Variants in GALNT17 observed in about 807,000 individuals in gnomAD.
The protein encoded by GALNT17 is polypeptide N-acetylgalactosaminyltransferase 17, also known as UDP-GalNAc:polypeptide N-acetylgalactosaminyltransferase-like 3.
GALNT17 carries 29 observed loss-of-function variants against 63.7 expected under a neutral mutation model. The ratio of observed to expected loss-of-function variants is 0.46; its 90% CI spans 0.34 to 0.62. The LOEUF (loss-of-function observed/expected upper bound fraction) is 0.62. Ranked by LOEUF, GALNT17 falls within the 20% of genes least tolerant of loss-of-function variation. The pLI is 0.01. For missense variants in GALNT17, 603 were observed against 799.6 expected (o/e 0.75, Z 2.97); for synonymous variants, 305 against 318.3 (o/e 0.96, Z 0.45).
rs189562751 is a variant in GALNT17 at position 71,505,161 on chromosome 7, C to T, written c.963-66124C>T. Among the ~76,000 whole-genome samples, 134 of 152,320 alleles carry T rather than the reference C, an allele frequency of 8.8e-4. 6 individuals are homozygous for T. The South Asian group carries it at 0.015, about 17-fold the overall frequency. ...TTTATCCCCAATTTGAACAGTTTCGCTTCTCTTCCACCTCGTGGCCTTCCT... is the reference window on the plus strand; with the variant it reads ...TTTATCCCCAATTTGAACAGTTTCGTTTCTCTTCCACCTCGTGGCCTTCCT... On this transcript the variant is annotated intron_variant, in intron 5 of 10. Coordinates refer to ENST00000333538, the MANE Select transcript of GALNT17 (RefSeq NM_022479.3).
intron 2 of GALNT17, among the ~76,000 whole-genome samples, chr7:71,360,749 G>A (rs370585692): frequency 5.9e-5 from 9 of 152,046 alleles, no homozygotes; most frequent in Admixed American, 3.3e-4. Context: ...CCTGGCCAAC[G>A]TGGCAAAACC....
intron 6 of GALNT17, among the ~76,000 whole-genome samples, chr7:71,588,784 C>T (rs1216326647): frequency 6.6e-6 from 1 of 152,060 alleles, no homozygotes; most frequent in Non-Finnish European, 1.5e-5. Flanking sequence ...ATCACTGTGG[C>T]TGGTCTCATG....
At chr7:71,443,346 T>G (rs886120483) in intron 5 of GALNT17, among the ~76,000 whole-genome samples, 24 of 152,120 alleles carry the variant, frequency 1.6e-4, no homozygotes, top group African/African-American at 5.8e-4. Flanking sequence ...TCTGTAGAGT[T>G]AGGATATTTG....
chr7:71,237,524 A>G (rs1395342275), intron 1 of GALNT17, among the ~76,000 whole-genome samples: 4 of 150,550 alleles, frequency 2.7e-5, no homozygotes, highest in Admixed American at 6.6e-5. Context: ...AAAAAAAAAA[A>G]AAAAAAAAGA....
chr7:71,151,727 G>A (rs1310169011), intron 1 of GALNT17, among the ~76,000 whole-genome samples: 3 of 151,878 alleles, frequency 2.0e-5, no homozygotes, highest in African/African-American at 7.3e-5. Flanking sequence ...CCTACTTAAC[G>A]CTGCTTCTTG....
chr7:71,675,713 G>T (rs549760549), intron 8 of GALNT17, among the ~76,000 whole-genome samples: 46 of 152,114 alleles, frequency 3.0e-4, no homozygotes, highest in Non-Finnish European at 4.6e-4. Context: ...CCAGCCAGGC[G>T]CAGTGGTTCA....
At chr7:71,198,354 T>G (rs1041481625) in intron 1 of GALNT17, among the ~76,000 whole-genome samples, 2 of 152,162 alleles carry the variant, frequency 1.3e-5, no homozygotes, top group Non-Finnish European at 2.9e-5. Context: ...GTAGTGAGTA[T>G]TTGGGCATTG....
At chr7:71,467,637 C>T (rs1290741893) in intron 5 of GALNT17, among the ~76,000 whole-genome samples, 2 of 152,048 alleles carry the variant, frequency 1.3e-5, no homozygotes, top group Non-Finnish European at 2.9e-5. Flanking sequence ...GCTTATCTGA[C>T]CCCTTCCTCA....
At position 71,319,096 on chromosome 7, in the gene GALNT17, A is replaced by ATCTTTCTTTCTT. The variant is rs11272198; in HGVS notation, c.239-16436_239-16425dup. ...TCAGCTTGCTGAGCTATTTTTGTTT[A>ATCTTTCTTTCTT]TCTTTCTTTCTTTCTTTCTTTCTTT... is the stretch of plus-strand genomic sequence containing the variant. On this transcript the variant is annotated intron_variant, in intron 1 of 10. Transcript: ENST00000333538. Among the ~76,000 whole-genome samples the ATCTTTCTTTCTT allele has an allele frequency of 2.4e-3, 311 of 131,984 alleles. 5 individuals carry two copies. The highest frequency in any genetic ancestry group is 7.4e-3 in the Middle Eastern group (2 of 270). 86.6% of individuals were successfully genotyped at this position (131,984 alleles called of 152,430 possible). A position where few individuals can be genotyped will look rare whatever the true frequency, so the allele number is the denominator to read the frequency against.
intron 1 of GALNT17, among the ~76,000 whole-genome samples, chr7:71,259,732 C>CT (rs1260293498): frequency 1.5e-4 from 22 of 151,500 alleles, no homozygotes; most frequent in African/African-American, 5.3e-4. Context: ...AGCTCCGCCT[C>CT]CCGGGTTCAT....
At chr7:71,516,818 A>G (rs1584019338) in intron 5 of GALNT17, among the ~76,000 whole-genome samples, 1 of 151,966 alleles carries the variant, frequency 6.6e-6, no homozygotes, top group Non-Finnish European at 1.5e-5. Flanking sequence ...CAAGATTTCT[A>G]CCTCCAAGAT....
intron 5 of GALNT17, among the ~76,000 whole-genome samples, chr7:71,504,929 G>A (rs201621366): frequency 6.6e-6 from 1 of 152,010 alleles, no homozygotes; most frequent in East Asian, 1.9e-4. Flanking sequence ...CTCTGCTGTA[G>A]CCTTTGAACT....
intron 1 of GALNT17, among the ~76,000 whole-genome samples, chr7:71,311,677 G>A (rs984492260): frequency 5.9e-5 from 9 of 152,280 alleles, no homozygotes; most frequent in African/African-American, 2.2e-4. Context: ...AGTTGGGAGA[G>A]CCTTCCCTTG....
chr7:71,132,858 C>G lies in GALNT17; in HGVS notation c.56C>G (p.Ala19Gly). 1.2e-6 allele frequency: 2 copies of G among 1,612,830 alleles called. No individual in the cohort carries two copies. The highest frequency in any genetic ancestry group is 1.7e-6 in the Non-Finnish European group (2 of 1,179,372). Residue 19 changes from alanine to glycine, a missense_variant, in exon 1 of 11, where the codon GCC becomes GGC. Physicochemically the swap from Ala to Gly is moderately conservative, Grantham distance 60 (BLOSUM62 0). Coordinates refer to ENST00000333538, the MANE Select transcript of GALNT17 (RefSeq NM_022479.3). The part of the protein sequence containing the change: ...VLLVLNLIAV[A>G]GFVLFLAKCR... Reference sequence around the variant, plus strand: ...TTGGTGTTGAACTTGATCGCGGTAGCCGGCTTCGTGCTCTTCCTGGCCAAG... The same window carrying G: ...TTGGTGTTGAACTTGATCGCGGTAGGCGGCTTCGTGCTCTTCCTGGCCAAG...
Position 71,712,350 on chromosome 7 carries a change from C to T in GALNT17, c.*204C>T. 3.9e-6 allele frequency: 2 copies of T among 516,828 alleles called. No homozygotes were observed. Among genetic ancestry groups the T allele is most frequent in the Non-Finnish European group, 3.3e-6 (1 of 303,000 alleles). The allele number at this position is 516,828 out of a possible 1,614,324, so 32.0% of individuals were successfully genotyped here. ...TTCAGCTGCCCACAAGTTTCCTGCA[C>T]CCTGGAAAAGCCCCCCACCCTTCCT... On this transcript the variant is annotated 3_prime_UTR_variant, in exon 11 of 11. Transcript: ENST00000333538.
chr7:71,189,378 G>T (rs964792293), intron 1 of GALNT17, among the ~76,000 whole-genome samples: 1 of 152,102 alleles, frequency 6.6e-6, no homozygotes, highest in Non-Finnish European at 1.5e-5. Context: ...ATAATACATT[G>T]CTTCTTGGAA....
At chr7:71,145,394 G>A (rs1787998469) in intron 1 of GALNT17, among the ~76,000 whole-genome samples, 1 of 152,200 alleles carries the variant, frequency 6.6e-6, no homozygotes, top group African/African-American at 2.4e-5. Flanking sequence ...TACTCAGGAG[G>A]CTGAGGTGGG....
At chr7:71,188,072 A>G (rs980827879) in intron 1 of GALNT17, among the ~76,000 whole-genome samples, 9 of 152,312 alleles carry the variant, frequency 5.9e-5, no homozygotes, top group African/African-American at 1.7e-4. Flanking sequence ...ATTCATTTTT[A>G]TGACTGAGTA....
chr7:71,437,901 T>C (rs1047965422), intron 5 of GALNT17, among the ~76,000 whole-genome samples: 1 of 152,072 alleles, frequency 6.6e-6, no homozygotes. Flanking sequence ...TTTGTAGAAG[T>C]AGGGTCTTGC....
Sources: gnomAD v4.1 joint callset for allele counts (sites outside exome capture counted in the v4.1 genomes callset) on GRCh38, gnomAD v4.1.1 for gene constraint, MANE v1.5 for transcripts, NCBI Gene and HGNC (gene_info 2026-07-23, HGNC 2026-07-21) for gene names.